Variants in SPATA31C2 observed in about 807,000 individuals in gnomAD.
The protein encoded by SPATA31C2 is SPATA31 subfamily C member 2.
Under a neutral mutation model 11.4 loss-of-function variants are expected in SPATA31C2, and 5 were observed. The ratio of observed to expected loss-of-function variants is 0.44; its 90% CI spans 0.23 to 0.92. The LOEUF (loss-of-function observed/expected upper bound fraction) is 0.92, where lower values mean the gene tolerates loss of function less well. Among genes scored for constraint, SPATA31C2 ranks in the 40% least tolerant of loss-of-function variants. The pLI, the probability that SPATA31C2 is intolerant of heterozygous loss-of-function variation, is 0.24. For synonymous variants in SPATA31C2, 515 were observed against 538.7 expected, an observed-to-expected ratio of 0.96 and a Z score of 0.61; for missense variants, 1,353 against 1,368.6, an observed-to-expected ratio of 0.99 and a Z score of 0.18.
chr9:88,131,716 C>T lies in SPATA31C2; in HGVS notation c.1321G>A (p.Glu441Lys), dbSNP rs144655911. Residue 441 changes from glutamate to lysine, a missense_variant, in exon 4 of 4, where the codon GAG becomes AAG. Around this residue, in one of 6 missense-constraint regions of SPATA31C2, gnomAD observed 1,075 missense variants for 992.8 expected, o/e 1.08. Transcript: ENST00000324915. The part of the protein sequence containing the change: ...PQERLTSILP[E>K]NFPVSPELWR... ...AGTTCAGGACTGACTGGAAAGTTCTCAGGCAGAATGGATGTCAGTCTTTCC... is the reference window on the plus strand; with the variant it reads ...AGTTCAGGACTGACTGGAAAGTTCTTAGGCAGAATGGATGTCAGTCTTTCC... 17 of 1,611,830 alleles carry T rather than the reference C, an allele frequency of 1.1e-5. No individual in the cohort carries two copies. Among genetic ancestry groups the T allele is most frequent in the Admixed American group, 8.3e-5 (5 of 59,986 alleles).
chr9:88,132,655 G>A lies in SPATA31C2; in HGVS notation c.382C>T (p.Pro128Ser), dbSNP rs774277445. 16 of 1,608,790 alleles carry A rather than the reference G, an allele frequency of 9.9e-6. No individual in the cohort carries two copies. Among genetic ancestry groups the A allele is most frequent in the Non-Finnish European group, 1.4e-5 (16 of 1,177,214 alleles). The change falls in exon 4 of 4, where the codon CCG (proline) becomes TCG (serine). Residue 128 changes from proline (P) to serine (S), a missense_variant. Coordinates refer to ENST00000324915, the MANE Select transcript of SPATA31C2 (RefSeq NM_001350978.3). ...GTTCTTTTGCCCACCTCACCTGGCGGGTCTGGACCAGAGAGCTGACCAAAG... is the reference window on the plus strand; with the variant it reads ...GTTCTTTTGCCCACCTCACCTGGCGAGTCTGGACCAGAGAGCTGACCAAAG... Reference protein sequence around the residue: ...GDFGQLSGPDPPGEVGKRTPD... With the variant: ...GDFGQLSGPDSPGEVGKRTPD...
chr9:88,133,703 G>T (rs770447299), intron 1 of SPATA31C2, 34 bp from the exon 2 acceptor site: 20 of 1,540,082 alleles, frequency 1.3e-5, no homozygotes, highest in Non-Finnish European at 1.6e-5. Context: ...AGCTAGGACC[G>T]GCTCTCCCTC....
At chr9:88,134,612 C>A (rs1398047823) in intron 1 of SPATA31C2, among the ~76,000 whole-genome samples, 1 of 137,474 alleles carries the variant, frequency 7.3e-6, no homozygotes, top group Non-Finnish European at 1.6e-5. Flanking sequence ...CCCCTACCAA[C>A]CCCTGGCTGC....
Position 88,130,942 on chromosome 9 carries a change from A to G in SPATA31C2, c.2095T>C (p.Ser699Pro), listed in dbSNP as rs1825580038. ...AGGAACGTGGCCACCTCAACTTTTG[A>G]GCCAGCCCCAGATTCGCAGGTGTCT... Reference protein sequence around the residue: ...SSDTCESGAGSKVEVATFLGE... With the variant: ...SSDTCESGAGPKVEVATFLGE... The change falls in exon 4 of 4, where the codon TCA becomes CCA. Residue 699 changes from serine (S) to proline (P), a missense_variant. Transcript: ENST00000324915. 1 of 1,613,430 alleles carries G rather than the reference A, an allele frequency of 6.2e-7. No homozygotes were observed. Among genetic ancestry groups the G allele is most frequent in the Non-Finnish European group, 8.5e-7 (1 of 1,179,868 alleles).
rs1310934577 is a variant in SPATA31C2 at position 88,130,047 on chromosome 9, A to T, written c.2990T>A (p.Leu997Gln). ...TGAAGGAGGCTGTTTCTTTGATGGC[A>T]GTAGCTGGACGCCTTCATTCTGACG... ...DTRQNEGVQL[L>Q]PSKKQPPSIS... The change falls in exon 4 of 4, where the codon CTG becomes CAG. Residue 997 changes from leucine (L) to glutamine (Q), a missense_variant. Physicochemically the swap from Leu to Gln is moderately radical, Grantham distance 113 (BLOSUM62 -2). Around this residue, in one of 6 missense-constraint regions of SPATA31C2, gnomAD observed 187 missense variants for 205.8 expected, o/e 0.91. Transcript: ENST00000324915. 1 of 1,608,446 alleles carries T rather than the reference A, an allele frequency of 6.2e-7. No homozygotes were observed.
At position 88,131,683 on chromosome 9, in the gene SPATA31C2, G is replaced by T. The variant is rs1287898235; in HGVS notation, c.1354C>A (p.Gln452Lys). ...NFPVSPELWR[Q>K]LEQHMGQRGR... ...CGTTGCCCCATGTGTTGCTCCAGTTGTCTCCAGAGTTCAGGACTGACTGGA... is the reference window on the plus strand; with the variant it reads ...CGTTGCCCCATGTGTTGCTCCAGTTTTCTCCAGAGTTCAGGACTGACTGGA... The change falls in exon 4 of 4, where the codon CAA (glutamine) becomes AAA (lysine). Residue 452 changes from glutamine to lysine, a missense_variant. Physicochemically the swap from Gln to Lys is moderately conservative, Grantham distance 53 (BLOSUM62 1). Around this residue, in one of 6 missense-constraint regions of SPATA31C2, gnomAD observed 1,075 missense variants for 992.8 expected, o/e 1.08. Transcript: ENST00000324915. 5 of 1,611,868 alleles carry T rather than the reference G, an allele frequency of 3.1e-6. No homozygotes were observed. Among genetic ancestry groups the T allele is most frequent in the Non-Finnish European group, 4.2e-6 (5 of 1,179,858 alleles).
In SPATA31C2 at chr9:88,130,059, C is replaced by G. The variant is rs773454289; in HGVS notation, c.2978G>C (p.Gly993Ala). The G allele has an allele frequency of 8.1e-6, 13 of 1,608,006 alleles. No individual in the cohort carries two copies. In the Admixed American group the frequency reaches 2.2e-4, roughly 27 times the overall value. The change falls in exon 4 of 4, where the codon GGC becomes GCC. Residue 993 changes from glycine (G) to alanine (A), a missense_variant. Transcript: ENST00000324915. ...TTTCTTTGATGGCAGTAGCTGGACG[C>G]CTTCATTCTGACGGGTGTCTTCTGT... ...RKTEDTRQNE[G>A]VQLLPSKKQP...
Position 88,130,877 on chromosome 9 carries a change from C to T in SPATA31C2, c.2160G>A (p.Leu720=). The change falls in exon 4 of 4, where the codon CTG becomes CTA. Residue 720 remains leucine (L), a synonymous_variant. Transcript: ENST00000324915. The stretch of plus-strand genomic sequence containing the variant: ...CTGGCATGTGAACAGATGGTTTGGT[C>T]AGCACCTGCTTTCTCAGACTTGCCA... The part of the protein sequence containing the change: ...PPMASLRKQV[L]TKPSVHMPER... 1 of 1,613,774 alleles carries T rather than the reference C, an allele frequency of 6.2e-7. No individual in the cohort carries two copies. Among genetic ancestry groups the T allele is most frequent in the Non-Finnish European group, 8.5e-7 (1 of 1,179,876 alleles).
At chr9:88,133,829 A>C (rs1376813046) in intron 1 of SPATA31C2, among the ~76,000 whole-genome samples, 160 bp from the exon 2 acceptor site, 2 of 152,050 alleles carry the variant, frequency 1.3e-5, no homozygotes, top group Non-Finnish European at 2.9e-5. Flanking sequence ...ATGGATGATA[A>C]ACTGCTTTTC....
rs1266756672 is a variant in SPATA31C2 at position 88,130,478 on chromosome 9, C to T, written c.2559G>A (p.Glu853=). The T allele has an allele frequency of 2.5e-5, 41 of 1,613,302 alleles. No individual in the cohort carries two copies. The highest frequency in any genetic ancestry group is 3.3e-5 in the Non-Finnish European group (39 of 1,179,572). ...CAGGCTCAAATTCACTAACAGCCTC[C>T]TCCATGAGACACAGCTTTCTTGGGT... The part of the protein sequence containing the change: ...SQDPRKLCLM[E]EAVSEFEPGK... The change falls in exon 4 of 4, where the codon GAG becomes GAA. Residue 853 remains glutamate, a synonymous_variant. Transcript: ENST00000324915.
chr9:88,129,828 C>T lies in SPATA31C2; in HGVS notation c.3209G>A (p.Cys1070Tyr). Residue 1070 changes from cysteine to tyrosine, a missense_variant, in exon 4 of 4, where the codon TGC becomes TAC. By Grantham distance (194) the Cys-to-Tyr change is radical. Around this residue, in one of 6 missense-constraint regions of SPATA31C2, gnomAD observed 187 missense variants for 205.8 expected, o/e 0.91. Transcript: ENST00000324915. ...GQILEENMSL[C>Y]HARHASKVNQ... ...TACCTTCGAGGCATGGCGCGCATGG[C>T]AAAGTGACATGTTCTCCTCCAGTAT... is the stretch of plus-strand genomic sequence containing the variant. The T allele has an allele frequency of 6.2e-7, 1 of 1,604,648 alleles. No individual in the cohort carries two copies. Among genetic ancestry groups the T allele is most frequent in the Non-Finnish European group, 8.5e-7 (1 of 1,173,912 alleles).
rs1825614518 is a variant in SPATA31C2, at chr9:88,132,377, C to G, written c.660G>C (p.Leu220=). The G allele has an allele frequency of 1.2e-6, 2 of 1,611,068 alleles. No homozygotes were observed. Among genetic ancestry groups the G allele is most frequent in the Admixed American group, 1.7e-5 (1 of 59,862 alleles). Residue 220 remains leucine, a synonymous_variant, in exon 4 of 4, where the codon CTG becomes CTC. Coordinates refer to ENST00000324915, the MANE Select transcript of SPATA31C2 (RefSeq NM_001350978.3). ...CTTTCGGAGGAGGCGGAGAGCAGGC[C>G]AGAGGATCAGGAGTGCGTGGTGGGT... ...FPHPPRTPDP[L]ACSPPPPKGF...
At position 88,131,297 on chromosome 9, in the gene SPATA31C2, C is replaced by T. The variant is rs1244487188; in HGVS notation, c.1740G>A (p.Met580Ile). 3 of 1,611,760 alleles carry T rather than the reference C, an allele frequency of 1.9e-6. No homozygotes were observed. Among genetic ancestry groups the T allele is most frequent in the Non-Finnish European group, 2.5e-6 (3 of 1,179,884 alleles). Residue 580 changes from methionine to isoleucine, a missense_variant, in exon 4 of 4, where the codon ATG becomes ATA. By Grantham distance (10) the Met-to-Ile change is conservative. This residue lies in a region of SPATA31C2 where 1,075 missense variants were observed against 992.8 expected (regional missense o/e 1.08). Coordinates refer to ENST00000324915, the MANE Select transcript of SPATA31C2 (RefSeq NM_001350978.3). ...NHIENILKAH[M>I]SRKLGQTNEG... ...CGTTGGTCTGGCCCAACTTTCTGCT[C>T]ATGTGGGCTTTCAGGATGTTTTCTA...
chr9:88,137,148 A>G (rs1301648122), intron 1 of SPATA31C2, among the ~76,000 whole-genome samples: 2 of 144,112 alleles, frequency 1.4e-5, no homozygotes, highest in African/African-American at 2.6e-5. Flanking sequence ...ACAGTGTGGT[A>G]TTGGCAGGGG....
intron 1 of SPATA31C2, among the ~76,000 whole-genome samples, chr9:88,137,840 A>G (rs1301872217): frequency 1.1e-5 from 1 of 87,690 alleles, no homozygotes; most frequent in African/African-American, 8.5e-5. Flanking sequence ...ATATCACCCC[A>G]CACAGAAGAG....
chr9:88,136,358 C>A (rs1276406577), intron 1 of SPATA31C2, among the ~76,000 whole-genome samples: 1 of 135,458 alleles, frequency 7.4e-6, no homozygotes, highest in Non-Finnish European at 1.6e-5. Flanking sequence ...TCGGTTCGTG[C>A]CTTTAGCCCA....
In SPATA31C2 at chr9:88,130,463, T is replaced by C; in HGVS notation, c.2574A>G (p.Glu858=). ...ACTTCGTGGCCTTTCCAGGCTCAAATTCACTAACAGCCTCCTCCATGAGAC... is the reference window on the plus strand; with the variant it reads ...ACTTCGTGGCCTTTCCAGGCTCAAACTCACTAACAGCCTCCTCCATGAGAC... The part of the protein sequence containing the change: ...KLCLMEEAVS[E]FEPGKATKSE... Residue 858 remains glutamate (E), a synonymous_variant, in exon 4 of 4, where the codon GAA becomes GAG. Coordinates refer to ENST00000324915, the MANE Select transcript of SPATA31C2 (RefSeq NM_001350978.3). The C allele has an allele frequency of 3.1e-6, 5 of 1,613,352 alleles. No homozygotes were observed. The highest frequency in any genetic ancestry group is 1.7e-4 in the Middle Eastern group (1 of 5,988).
At position 88,131,592 on chromosome 9, in the gene SPATA31C2, G is replaced by T. The variant is rs757984462; in HGVS notation, c.1445C>A (p.Ala482Asp). The T allele has an allele frequency of 3.7e-5, 60 of 1,611,694 alleles. No individual in the cohort carries two copies. Among genetic ancestry groups the T allele is most frequent in the African/African-American group, 6.7e-5 (5 of 74,810 alleles). ...CTGCCAGGGCCTGGGTTTGCCCTTG[G>T]CCTGACTTGTCCCTGGCAATTCATC... Reference protein sequence around the residue: ...LQDELPGTSQAKGKPRPWQSS... With the variant: ...LQDELPGTSQDKGKPRPWQSS... Residue 482 changes from alanine (A) to aspartate (D), a missense_variant, in exon 4 of 4, where the codon GCC becomes GAC. By Grantham distance (126) the Ala-to-Asp change is moderately radical (BLOSUM62 -2). Transcript: ENST00000324915.
chr9:88,131,899 G>C lies in SPATA31C2; in HGVS notation c.1138C>G (p.Pro380Ala), dbSNP rs1049531596. 2.5e-6 allele frequency: 4 copies of C among 1,610,236 alleles called. No homozygotes were observed. Among genetic ancestry groups the C allele is most frequent in the Non-Finnish European group, 3.4e-6 (4 of 1,178,632 alleles). The change falls in exon 4 of 4, where the codon CCT (proline) becomes GCT (alanine). Residue 380 changes from proline to alanine, a missense_variant. By Grantham distance (27) the Pro-to-Ala change is conservative. Around this residue, in one of 6 missense-constraint regions of SPATA31C2, gnomAD observed 1,075 missense variants for 992.8 expected, o/e 1.08. Coordinates refer to ENST00000324915, the MANE Select transcript of SPATA31C2 (RefSeq NM_001350978.3). ...SPMKNTGVAC[P>A]ASQNKVQALS... Reference sequence around the variant, plus strand: ...GCTTGCACTTTATTCTGCGACGCAGGGCAAGCTACTCCAGTGTTCTTCATC... The same window carrying C: ...GCTTGCACTTTATTCTGCGACGCAGCGCAAGCTACTCCAGTGTTCTTCATC...
Sources: allele counts gnomAD v4.1 joint callset (sites outside exome capture counted in the v4.1 genomes callset), GRCh38; gene constraint gnomAD v4.1.1; regional missense constraint gnomAD v4.1.1; transcripts MANE v1.5; gene names NCBI Gene and HGNC (gene_info 2026-07-23, HGNC 2026-07-21).